The following RYR2 variants were observed in gnomAD, a reference collection of about 807,000 sequenced individuals.
The protein encoded by RYR2 is ryanodine receptor 2.
RYR2 carries 227 observed loss-of-function variants against 601.1 expected under a neutral mutation model. That is an observed-to-expected ratio of 0.38 (90% CI 0.34 to 0.42). RYR2 has a LOEUF of 0.42. RYR2 is among the 10% of genes least tolerant of loss of function. The pLI is 1.00. For missense variants in RYR2, 4,646 were observed against 6,156.5 expected, an observed-to-expected ratio of 0.75 and a Z score of 8.21; for synonymous variants, 2,223 against 2,175.1, an observed-to-expected ratio of 1.02 and a Z score of -0.61.
At chr1:237,602,002 TA>T (rs1676555803) in intron 34 of RYR2, 22 bp from the exon 35 acceptor site, 1 of 1,591,482 alleles carries the variant, frequency 6.3e-7, no homozygotes, top group Non-Finnish European at 8.6e-7. Flanking sequence ...CTAACATTAT[TA>T]AATTCATTAA....
chr1:237,739,800 A>C (rs1180614677), intron 79 of RYR2, among the ~76,000 whole-genome samples: 1 of 152,192 alleles, frequency 6.6e-6, no homozygotes, highest in Non-Finnish European at 1.5e-5. Flanking sequence ...TCAGAAAGGC[A>C]ACTAAGGAAT....
chr1:237,066,260 G>C (rs1023690625), intron 1 of RYR2, among the ~76,000 whole-genome samples: 20 of 152,172 alleles, frequency 1.3e-4, no homozygotes, highest in African/African-American at 4.8e-4. Flanking sequence ...GTCGTTTTCA[G>C]TTTTTGGCTA....
At chr1:237,520,695 A>T (rs1209575803) in intron 24 of RYR2, among the ~76,000 whole-genome samples, 1 of 152,178 alleles carries the variant, frequency 6.6e-6, no homozygotes, top group African/African-American at 2.4e-5. Context: ...CCCAAGACTG[A>T]ACCAGGAAGA....
chr1:237,599,764 A>G (rs1426737931), intron 34 of RYR2, among the ~76,000 whole-genome samples: 1 of 146,602 alleles, frequency 6.8e-6, no homozygotes, highest in Non-Finnish European at 1.5e-5. Context: ...CAGAGGTTGC[A>G]GTGAGCTGAG....
chr1:237,767,941 A>G (rs1693967471), intron 84 of RYR2, among the ~76,000 whole-genome samples: 1 of 152,148 alleles, frequency 6.6e-6, no homozygotes, highest in African/African-American at 2.4e-5. Context: ...GGCCAGTCCT[A>G]TGCTTCATGA....
chr1:237,594,628 T>C (rs1047616035), intron 33 of RYR2, among the ~76,000 whole-genome samples: 2 of 152,066 alleles, frequency 1.3e-5, no homozygotes, highest in African/African-American at 2.4e-5. Context: ...GGAAGGGTCA[T>C]TGGATTTTAT....
chr1:237,512,711 A>G (rs1388610238), intron 24 of RYR2, among the ~76,000 whole-genome samples: 2 of 152,150 alleles, frequency 1.3e-5, no homozygotes, highest in Non-Finnish European at 2.9e-5. Flanking sequence ...CATGTCAACA[A>G]AAAATATGAA....
At chr1:237,374,936 C>T in intron 7 of RYR2, 141 bp downstream of exon 7, 1 of 650,588 alleles carries the variant, frequency 1.5e-6, no homozygotes, top group Non-Finnish European at 2.6e-6. Context: ...AAAGTTTTTC[C>T]TAGAAGGGGA....
chr1:237,659,125 A>G (rs922586631), intron 54 of RYR2, among the ~76,000 whole-genome samples: 24 of 152,200 alleles, frequency 1.6e-4, no homozygotes, highest in Non-Finnish European at 3.2e-4. Flanking sequence ...TATGCTACGT[A>G]ACAAATAAAG....
chr1:237,281,664 C>T (rs554118912), intron 2 of RYR2, among the ~76,000 whole-genome samples: 8 of 152,344 alleles, frequency 5.3e-5, no homozygotes, highest in Admixed American at 3.9e-4. Context: ...GCAGACTCCC[C>T]CCAGATGGTG....
chr1:237,097,151 C>T (rs2148494174), intron 1 of RYR2, among the ~76,000 whole-genome samples: 1 of 152,070 alleles, frequency 6.6e-6, no homozygotes, highest in East Asian at 1.9e-4. Flanking sequence ...TCAAATATTC[C>T]AATGCAGTAC....
intron 1 of RYR2, among the ~76,000 whole-genome samples, chr1:237,228,940 A>G (rs945704151): frequency 1.3e-5 from 2 of 152,204 alleles, no homozygotes; most frequent in African/African-American, 4.8e-5. Context: ...GTGACAGCTA[A>G]CATTGTGCAC....
chr1:237,093,004 C>T lies in RYR2; in HGVS notation c.48+50435C>T, dbSNP rs961242936. On this transcript the variant is annotated intron_variant, in intron 1 of 104. Transcript: ENST00000366574. ...TATGGGTGCTCTGTGACAGTGCTGT[C>T]CCGTAGAACTCCCGGTGAAGATGGG... Among the ~76,000 whole-genome samples the T allele has an allele frequency of 4.6e-5, 7 of 152,272 alleles. 1 individual carries two copies. Among genetic ancestry groups the T allele is most frequent in the African/African-American group, 2.4e-5 (1 of 41,548 alleles).
chr1:237,445,488 C>A lies in RYR2; in HGVS notation c.1258C>A (p.Arg420=), dbSNP rs190140598. 4.3e-6 allele frequency: 7 copies of A among 1,613,638 alleles called. No homozygotes were observed. The East Asian group carries it at 1.6e-4, about 36-fold the overall frequency. Residue 420 remains arginine, a synonymous_variant, in exon 14 of 105, where the codon CGG becomes AGG. Transcript: ENST00000366574. ...HEESRTARVI[R]STVFLFNRFI... is the part of the protein sequence containing the mutation. ...AGAATCACGCACAGCCCGAGTTATC[C>A]GGAGCACAGTCTTCCTTTTCAATAG...
intron 1 of RYR2, among the ~76,000 whole-genome samples, chr1:237,139,932 C>T (rs1301570510): frequency 1.3e-5 from 2 of 152,128 alleles, no homozygotes; most frequent in South Asian, 2.1e-4. Flanking sequence ...GAGATGCAGG[C>T]GAGTTAACAC....
intron 41 of RYR2, among the ~76,000 whole-genome samples, chr1:237,628,648 A>G (rs1050867540): frequency 3.9e-5 from 6 of 152,144 alleles, no homozygotes; most frequent in African/African-American, 1.4e-4. Flanking sequence ...CAGTAATGAA[A>G]CAAGACTAAT....
At chr1:237,218,212 A>C (rs1471289857) in intron 1 of RYR2, among the ~76,000 whole-genome samples, 3 of 152,210 alleles carry the variant, frequency 2.0e-5, no homozygotes, top group Non-Finnish European at 4.4e-5. Flanking sequence ...ATTAGGAGGA[A>C]TCCTTACTGA....
chr1:237,554,603 G>A (rs961758240), intron 27 of RYR2, among the ~76,000 whole-genome samples: 3 of 151,870 alleles, frequency 2.0e-5, no homozygotes, highest in South Asian at 2.1e-4. Flanking sequence ...TTGAAACCAC[G>A]AGCCTAGAGT....
chr1:237,542,504 G>A (rs1011605300), intron 25 of RYR2, among the ~76,000 whole-genome samples: 6 of 152,100 alleles, frequency 3.9e-5, no homozygotes, highest in Non-Finnish European at 2.9e-5. Flanking sequence ...TTGTTCAGTC[G>A]TTGGCCATTC....
Sources: allele counts gnomAD v4.1 joint callset (sites outside exome capture counted in the v4.1 genomes callset), GRCh38; gene constraint gnomAD v4.1.1; transcripts MANE v1.5; gene names NCBI Gene and HGNC (gene_info 2026-07-23, HGNC 2026-07-21).